Variants in SLC29A3 observed in about 807,000 individuals in gnomAD.
The protein encoded by SLC29A3 is solute carrier family 29 member 3.
A neutral mutation model predicts 25.4 loss-of-function variants in SLC29A3; 18 were observed. The ratio of observed to expected loss-of-function variants is 0.71; its 90% CI spans 0.49 to 1.05. The LOEUF (loss-of-function observed/expected upper bound fraction) is 1.05, where lower values mean the gene tolerates loss of function less well. Ranked by LOEUF, SLC29A3 falls within the 50% of genes least tolerant of loss-of-function variation. The pLI is 0.00. For synonymous variants in SLC29A3, 258 were observed against 267.1 expected, an observed-to-expected ratio of 0.97 and a Z score of 0.33; for missense variants, 586 against 609.0, an observed-to-expected ratio of 0.96 and a Z score of 0.40.
chr10:71,322,867 G>A lies in SLC29A3; in HGVS notation c.113G>A (p.Arg38His), dbSNP rs201238600. Residue 38 changes from arginine to histidine, a missense_variant, in exon 2 of 6, where the codon CGC (arginine) becomes CAC (histidine). Physicochemically the swap from Arg to His is conservative, Grantham distance 29. Coordinates refer to ENST00000373189, the MANE Select transcript of SLC29A3 (RefSeq NM_018344.6). ...GCACTGCTTGAGAAGCTGCTGGACCGCCCGCCCCCTGGCCTGCAGAGGCCC... is the reference window on the plus strand; with the variant it reads ...GCACTGCTTGAGAAGCTGCTGGACCACCCGCCCCCTGGCCTGCAGAGGCCC... The part of the protein sequence containing the change: ...QEALLEKLLD[R>H]PPPGLQRPED... The A allele has an allele frequency of 9.4e-5, 151 of 1,614,174 alleles. No homozygotes were observed. In the South Asian group the frequency reaches 1.0e-3, roughly 11 times the overall value.
chr10:71,356,427 G>A (rs904049004), intron 5 of SLC29A3, among the ~76,000 whole-genome samples, 184 bp downstream of exon 5: 5 of 152,230 alleles, frequency 3.3e-5, no homozygotes, highest in African/African-American at 1.2e-4. Flanking sequence ...CAAGCAGTTG[G>A]AGCCTCAAGT....
In SLC29A3 at chr10:71,362,176, C is replaced by CCTCAA; in HGVS notation, c.998_1002dup (p.Lys335SerfsTer72). On this transcript the variant is annotated frameshift_variant, in exon 6 of 6. Transcript: ENST00000373189. LOFTEE classifies it high-confidence loss of function. The stretch of plus-strand genomic sequence containing the variant: ...CCGCCATCTGCACCAACATCGAGTC[C>CCTCAA]CTCAACAAGGGTTCGGGCTCACTGT... 6.2e-7 allele frequency: 1 copy of CCTCAA among 1,614,094 alleles called. No individual in the cohort carries two copies. The highest frequency in any genetic ancestry group is 1.1e-5 in the South Asian group (1 of 91,072).
chr10:71,320,059 CTT>C (rs1179916224), intron 1 of SLC29A3, among the ~76,000 whole-genome samples: 1 of 152,214 alleles, frequency 6.6e-6, no homozygotes. Flanking sequence ...ACTAATAAGA[CTT>C]TGCTCACTCC....
intron 2 of SLC29A3, among the ~76,000 whole-genome samples, chr10:71,340,662 C>G (rs1846379230): frequency 1.3e-5 from 2 of 152,214 alleles, no homozygotes; most frequent in South Asian, 4.1e-4. Flanking sequence ...TTGTTACCAT[C>G]CTAGTCACAG....
intron 2 of SLC29A3, among the ~76,000 whole-genome samples, chr10:71,335,670 G>C (rs773528686): frequency 6.6e-6 from 1 of 152,168 alleles, no homozygotes; most frequent in Non-Finnish European, 1.5e-5. Context: ...TTGAAGAGGG[G>C]CTGAGAAAAG....
chr10:71,337,532 G>C (rs993534911), intron 2 of SLC29A3, among the ~76,000 whole-genome samples: 1 of 152,336 alleles, frequency 6.6e-6, no homozygotes, highest in East Asian at 1.9e-4. Context: ...TCGCCCGCCC[G>C]GTAGGAGCCC....
At chr10:71,338,489 G>A (rs1475000927) in intron 2 of SLC29A3, among the ~76,000 whole-genome samples, 3 of 152,178 alleles carry the variant, frequency 2.0e-5, no homozygotes, top group African/African-American at 7.2e-5. Flanking sequence ...GGGCACCATG[G>A]CTCAGCACCT....
At chr10:71,339,918 A>T (rs1021082593) in intron 2 of SLC29A3, among the ~76,000 whole-genome samples, 1 of 151,952 alleles carries the variant, frequency 6.6e-6, no homozygotes, top group African/African-American at 2.4e-5. Context: ...CACCTCCCCG[A>T]GGGCACGCAG....
Position 71,322,946 on chromosome 10 carries a change from TCTA to T in SLC29A3, c.195_197del (p.Leu66del), listed in dbSNP as rs1283693007. The T allele has an allele frequency of 1.2e-6, 2 of 1,614,086 alleles. No homozygotes were observed. The highest frequency in any genetic ancestry group is 1.7e-6 in the Non-Finnish European group (2 of 1,180,054). Reference sequence around the variant, plus strand: ...TCTTCTTCAGCCTGGGCATTGGCAGTCTACTGCCATGGAACTTCTTTATCACTG... The same window carrying T: ...TCTTCTTCAGCCTGGGCATTGGCAGTCTGCCATGGAACTTCTTTATCACTG... On this transcript the variant is annotated inframe_deletion, in exon 2 of 6. Transcript: ENST00000373189.
chr10:71,329,657 G>C (rs369250061), intron 2 of SLC29A3, among the ~76,000 whole-genome samples: 29 of 152,138 alleles, frequency 1.9e-4, no homozygotes, highest in East Asian at 1.7e-3. Context: ...GGCTGAGGTG[G>C]GAGAACAGAA....
chr10:71,350,038 C>T (rs537926755), intron 3 of SLC29A3, among the ~76,000 whole-genome samples: 2 of 152,184 alleles, frequency 1.3e-5, no homozygotes, highest in African/African-American at 2.4e-5. Context: ...TGCACATTTG[C>T]GGAATGACCA....
chr10:71,377,892 T>C (rs954736885), intron 4 of SLC29A3, among the ~76,000 whole-genome samples: 4 of 151,288 alleles, frequency 2.6e-5, no homozygotes, highest in African/African-American at 7.3e-5. Flanking sequence ...TTTAGACAGA[T>C]TAAGCATCTT....
chr10:71,356,740 C>A (rs939952903), intron 5 of SLC29A3, among the ~76,000 whole-genome samples: 15 of 152,074 alleles, frequency 9.9e-5, no homozygotes, highest in Admixed American at 2.0e-4. Context: ...GTGGGAGGAT[C>A]ACTTGAGCCC....
At chr10:71,337,553 G>A (rs964148142) in intron 2 of SLC29A3, among the ~76,000 whole-genome samples, 10 of 152,224 alleles carry the variant, frequency 6.6e-5, no homozygotes, top group Admixed American at 2.6e-4. Flanking sequence ...AGCTGCCTCT[G>A]CTGCTGCTTC....
intron 2 of SLC29A3, among the ~76,000 whole-genome samples, chr10:71,326,185 G>T (rs1017600041): frequency 1.3e-5 from 2 of 152,130 alleles, no homozygotes; most frequent in African/African-American, 4.8e-5. Context: ...CTCCCAAAGT[G>T]CTGGGGTTAC....
At chr10:71,326,335 C>G (rs10740374) in intron 2 of SLC29A3, among the ~76,000 whole-genome samples, 72,204 of 152,054 alleles carry the variant, frequency 0.47, 18,109 homozygotes, top group African/African-American at 0.65. Flanking sequence ...GGGCCTGGCA[C>G]CCCTATCTGA....
intron 2 of SLC29A3, among the ~76,000 whole-genome samples, chr10:71,341,717 G>A (rs1458685349): frequency 6.6e-6 from 1 of 152,218 alleles, no homozygotes; most frequent in African/African-American, 2.4e-5. Context: ...TGGGCCAGAA[G>A]TCCAGGCACA....
intron 1 of SLC29A3, among the ~76,000 whole-genome samples, chr10:71,321,646 G>A (rs1242375680): frequency 6.6e-6 from 1 of 152,242 alleles, no homozygotes; most frequent in African/African-American, 2.4e-5. Context: ...GCCAGGCATT[G>A]CCAGCCAGTT....
chr10:71,350,717 G>C (rs1846733648), intron 3 of SLC29A3, among the ~76,000 whole-genome samples: 1 of 152,166 alleles, frequency 6.6e-6, no homozygotes, highest in Non-Finnish European at 1.5e-5. Context: ...ATCACAGGAG[G>C]ATGCCCCTGC....
Sources: gnomAD v4.1 joint callset for allele counts (sites outside exome capture counted in the v4.1 genomes callset) on GRCh38, gnomAD v4.1.1 for gene constraint, MANE v1.5 for transcripts, NCBI Gene and HGNC (gene_info 2026-07-23, HGNC 2026-07-21) for gene names.